Variants in ERICH1 observed in about 807,000 individuals in gnomAD.
ERICH1 encodes the protein glutamate rich 1.
In ERICH1, 56 loss-of-function variants were observed where a neutral mutation model predicts 39.6. The ratio of observed to expected loss-of-function variants is 1.41; its 90% CI spans 1.14 to 1.77. The LOEUF (loss-of-function observed/expected upper bound fraction) is 1.77. ERICH1 is among the 40% of genes most tolerant of loss of function. The pLI is 0.00. For synonymous variants in ERICH1, 313 were observed against 223.6 expected (o/e 1.40, Z -3.57); for missense variants, 826 against 575.4 (o/e 1.44, Z -4.45).
chr8:625,562 A>C (rs763982147), intron 3 of ERICH1: 1 of 152,240 alleles, frequency 6.6e-6, no homozygotes, highest in Non-Finnish European at 1.5e-5. Context: ...TGAGGATTGT[A>C]CAACTCTGAA....
chr8:696,634 A>C (rs1463228269), intron 2 of ERICH1, among the ~76,000 whole-genome samples: 2 of 18,308 alleles, frequency 1.1e-4, no homozygotes, highest in Admixed American at 7.5e-4. Context: ...CGCTCCTCTC[A>C]CCCTCCACTC....
At chr8:707,268 T>C (rs989603521) in intron 2 of ERICH1, among the ~76,000 whole-genome samples, 2 of 149,932 alleles carry the variant, frequency 1.3e-5, no homozygotes, top group Non-Finnish European at 3.0e-5. Context: ...AGTGCAATGA[T>C]GCGATCTTGG....
chr8:710,023 T>C (rs1814325421), intron 2 of ERICH1, among the ~76,000 whole-genome samples: 2 of 152,186 alleles, frequency 1.3e-5, no homozygotes, highest in Non-Finnish European at 2.9e-5. Context: ...ACAGGAAATG[T>C]TAGGGATGGC....
chr8:656,588 G>A (rs1457700839), intron 3 of ERICH1, among the ~76,000 whole-genome samples: 1 of 152,220 alleles, frequency 6.6e-6, no homozygotes, highest in East Asian at 1.9e-4. Flanking sequence ...TAACGATCTT[G>A]TTCGCATTGA....
At chr8:686,917 G>A (rs1207046153) in intron 3 of ERICH1, among the ~76,000 whole-genome samples, 2 of 149,856 alleles carry the variant, frequency 1.3e-5, no homozygotes, top group Non-Finnish European at 3.0e-5. Flanking sequence ...TCAGGCCCTT[G>A]AGAGGGTGAG....
At chr8:713,164 T>C (rs1332251089) in intron 2 of ERICH1, among the ~76,000 whole-genome samples, 1 of 152,240 alleles carries the variant, frequency 6.6e-6, no homozygotes, top group African/African-American at 2.4e-5. Context: ...AATACTGGAT[T>C]AGGGTGCACC....
chr8:662,534 G>A (rs895814631), downstream of ERICH1, among the ~76,000 whole-genome samples: 3 of 152,134 alleles, frequency 2.0e-5, no homozygotes, highest in Admixed American at 6.5e-5. Flanking sequence ...TGTAATCCCA[G>A]CTACTTGGGA....
At chr8:699,294 C>T (rs77333806) in intron 2 of ERICH1, among the ~76,000 whole-genome samples, 3 of 152,230 alleles carry the variant, frequency 2.0e-5, no homozygotes, top group African/African-American at 2.4e-5. Context: ...CCGGGGGGAG[C>T]GCCAGCCCCA....
At position 731,174 on chromosome 8, in the gene ERICH1, C is replaced by T; in HGVS notation, c.-13G>A. 1 of 1,505,154 alleles carries T rather than the reference C, an allele frequency of 6.6e-7. No homozygotes were observed. The highest frequency in any genetic ancestry group is 8.9e-7 in the Non-Finnish European group (1 of 1,129,146). 93.2% of individuals were successfully genotyped at this position (1,505,154 alleles called of 1,614,324 possible). On this transcript the variant is annotated 5_prime_UTR_variant, in exon 1 of 6. Coordinates refer to ENST00000262109, the MANE Select transcript of ERICH1 (RefSeq NM_207332.3). ...TGTGCGCCGCCATGCGGGACCCTGC[C>T]GCGGACCTCAGACCACGGCGCGCGG...
At chr8:674,113 A>C in intron 3 of ERICH1, 66 bp from the exon 4 acceptor site, 2 of 1,466,380 alleles carry the variant, frequency 1.4e-6, no homozygotes, top group Non-Finnish European at 1.8e-6. Context: ...TATTAGGCTA[A>C]ATAAATTTTC....
intron 2 of ERICH1, among the ~76,000 whole-genome samples, chr8:693,831 C>T (rs7818950): frequency 0.88 from 131,813 of 149,708 alleles, 58,125 homozygotes; most frequent in South Asian, 0.94. Context: ...CCCTGCTGCA[C>T]GCCCCTCTGC....
chr8:674,296 C>CTTTTTT (rs11372589), intron 3 of ERICH1, among the ~76,000 whole-genome samples: 9 of 109,804 alleles, frequency 8.2e-5, no homozygotes, highest in East Asian at 6.0e-4. Flanking sequence ...CAAGTTGTTG[C>CTTTTTT]TTTTTTTTTT....
At chr8:677,649 C>T (rs948957080) in intron 3 of ERICH1, among the ~76,000 whole-genome samples, 2 of 152,152 alleles carry the variant, frequency 1.3e-5, no homozygotes, top group Non-Finnish European at 2.9e-5. Context: ...AAACCAACCA[C>T]GTCTAGGCAA....
chr8:731,175 G>A lies in ERICH1; in HGVS notation c.-14C>T, dbSNP rs1174876468. The stretch of plus-strand genomic sequence containing the variant: ...GTGCGCCGCCATGCGGGACCCTGCC[G>A]CGGACCTCAGACCACGGCGCGCGGT... On this transcript the variant is annotated 5_prime_UTR_variant, in exon 1 of 6. Transcript: ENST00000262109. 5 of 1,503,728 alleles carry A rather than the reference G, an allele frequency of 3.3e-6. No individual in the cohort carries two copies. The highest frequency in any genetic ancestry group is 4.4e-6 in the Non-Finnish European group (5 of 1,128,416). 93.1% of individuals were successfully genotyped at this position (1,503,728 alleles called of 1,614,324 possible).
At chr8:688,143 G>A (rs1297253942) in intron 3 of ERICH1, among the ~76,000 whole-genome samples, 2 of 152,176 alleles carry the variant, frequency 1.3e-5, no homozygotes, top group East Asian at 1.9e-4. Context: ...TGCAACCCAG[G>A]CGGGGCAAGT....
chr8:628,533 C>G (rs1230713702), intron 3 of ERICH1, among the ~76,000 whole-genome samples: 1 of 152,218 alleles, frequency 6.6e-6, no homozygotes, highest in Admixed American at 6.5e-5. Flanking sequence ...CAGGGTGACC[C>G]CAAGGGGCTG....
intron 2 of ERICH1, among the ~76,000 whole-genome samples, chr8:713,562 C>G (rs765216813): frequency 7.2e-5 from 11 of 152,114 alleles, no homozygotes; most frequent in Non-Finnish European, 1.6e-4. Context: ...TTGACCAGAA[C>G]GGTGTCTGTG....
chr8:712,685 C>A (rs1194668926), intron 2 of ERICH1, among the ~76,000 whole-genome samples: 3 of 152,152 alleles, frequency 2.0e-5, no homozygotes, highest in African/African-American at 7.2e-5. Flanking sequence ...GATCCGCCCA[C>A]CTTGGCCTCC....
intron 1 of ERICH1, among the ~76,000 whole-genome samples, chr8:730,142 C>G (rs1290133575): frequency 6.6e-6 from 1 of 152,164 alleles, no homozygotes; most frequent in Non-Finnish European, 1.5e-5. Flanking sequence ...CATTTTAGAG[C>G]CTAGCATGTG....
Sources: gnomAD v4.1 joint callset for allele counts (sites outside exome capture counted in the v4.1 genomes callset) on GRCh38, gnomAD v4.1.1 for gene constraint, MANE v1.5 for transcripts, NCBI Gene and HGNC (gene_info 2026-07-23, HGNC 2026-07-21) for gene names.